RBPJ: variants seen among roughly 807,000 people sequenced by gnomAD.
RBPJ encodes the protein recombining binding protein suppressor of hairless.
Under a neutral mutation model 67.8 loss-of-function variants are expected in RBPJ, and 9 were observed. That is an observed-to-expected ratio of 0.13 (90% confidence interval 0.08 to 0.23). RBPJ has a LOEUF of 0.23. Ranked by LOEUF, RBPJ falls within the 10% of genes least tolerant of loss-of-function variation. The pLI is 1.00. For missense variants in RBPJ, 305 were observed against 595.6 expected (o/e 0.51, Z 5.08); for synonymous variants, 198 against 203.3 (o/e 0.97, Z 0.22).
intron 1 of RBPJ, among the ~76,000 whole-genome samples, chr4:26,208,767 C>T (rs1718257406): frequency 6.6e-6 from 1 of 152,126 alleles, no homozygotes; most frequent in South Asian, 2.1e-4. Context: ...ATAGACATTG[C>T]TCTGTACTCT....
At chr4:26,173,473 T>C (rs913336846) in intron 1 of RBPJ, among the ~76,000 whole-genome samples, 2 of 152,144 alleles carry the variant, frequency 1.3e-5, no homozygotes, top group African/African-American at 4.8e-5. Context: ...GAGACGAAGA[T>C]GCTCATAGGT....
At chr4:26,132,654 C>T in the RBPJ span, among the ~76,000 whole-genome samples, 6 of 152,316 alleles carry the variant, frequency 3.9e-5, no homozygotes, top group Non-Finnish European at 7.4e-5. Context: ...TCTTCGCTGG[C>T]CATAGCCTCA....
intron 1 of RBPJ, among the ~76,000 whole-genome samples, chr4:26,188,164 G>T (rs1717343632): frequency 6.6e-6 from 1 of 151,440 alleles, no homozygotes; most frequent in Non-Finnish European, 1.5e-5. Context: ...AGCTGAGATG[G>T]CACCACTGCA....
chr4:26,188,060 T>A (rs1159180526), intron 1 of RBPJ, among the ~76,000 whole-genome samples: 2 of 151,074 alleles, frequency 1.3e-5, no homozygotes, highest in Non-Finnish European at 2.9e-5. Context: ...TACAAAAAAA[T>A]TAGCTGGGCA....
upstream of RBPJ, among the ~76,000 whole-genome samples, chr4:26,320,074 C>T (rs932033339): frequency 1.6e-4 from 24 of 152,346 alleles, no homozygotes; most frequent in East Asian, 1.2e-3. Flanking sequence ...CAACACACAC[C>T]TGGGCTCACA....
At chr4:26,381,098 T>C (rs1730281174) in intron 1 of RBPJ, among the ~76,000 whole-genome samples, 1 of 150,832 alleles carries the variant, frequency 6.6e-6, no homozygotes, top group South Asian at 2.1e-4. Flanking sequence ...TTTTTTTTTT[T>C]CCTTCTTTTT....
chr4:26,165,414 A>T (rs1716235376), intron 1 of RBPJ, among the ~76,000 whole-genome samples: 1 of 152,238 alleles, frequency 6.6e-6, no homozygotes, highest in African/African-American at 2.4e-5. Context: ...TCCTCATTTC[A>T]TAGATGAAGT....
chr4:26,196,087 C>A (rs1168883491), intron 1 of RBPJ, among the ~76,000 whole-genome samples: 2 of 151,418 alleles, frequency 1.3e-5, no homozygotes, highest in Non-Finnish European at 2.9e-5. Context: ...GGGTACATAC[C>A]CAAAATAAAT....
chr4:26,286,081 G>C (rs568509439), intron 1 of RBPJ, among the ~76,000 whole-genome samples: 54 of 152,286 alleles, frequency 3.5e-4, no homozygotes, highest in African/African-American at 1.3e-3. Flanking sequence ...CAGTCTGGGC[G>C]GCAGAGTGAA....
At position 26,431,257 on chromosome 4, in the gene RBPJ, G is replaced by A. The variant is rs1736212481; in HGVS notation, c.*250G>A. ...TAAATATTGGAAATCAAGTTTTTCA[G>A]CTGTTTTGTTGGTTGGTTGGTTGGT... On this transcript the variant is annotated 3_prime_UTR_variant, in exon 11 of 11. Transcript: ENST00000355476. 1 of 357,064 alleles carries A rather than the reference G, an allele frequency of 2.8e-6. No individual in the cohort carries two copies. Among genetic ancestry groups the A allele is most frequent in the East Asian group, 4.6e-5 (1 of 21,698 alleles). 22.1% of individuals were successfully genotyped at this position (357,064 alleles called of 1,614,324 possible). A position where few individuals can be genotyped will look rare whatever the true frequency, so the allele number is the denominator to read the frequency against.
intron 1 of RBPJ, among the ~76,000 whole-genome samples, chr4:26,210,743 C>CTTT (rs59467495): frequency 0.02 from 1,429 of 69,778 alleles, 74 homozygotes; most frequent in Middle Eastern, 0.052. Flanking sequence ...TTACTTCTTT[C>CTTT]CTTCTTTCCT....
At chr4:26,397,939 C>T (rs575470259) in intron 2 of RBPJ, among the ~76,000 whole-genome samples, 108 of 152,200 alleles carry the variant, frequency 7.1e-4, no homozygotes, top group African/African-American at 2.5e-3. Context: ...GGCATTGTAA[C>T]TCTTTGAAAA....
intron 2 of RBPJ, among the ~76,000 whole-genome samples, chr4:26,404,355 C>A (rs562857250): frequency 5.9e-5 from 9 of 152,178 alleles, no homozygotes; most frequent in African/African-American, 1.9e-4. Context: ...TTGATGGTTT[C>A]TTTTGCTATG....
At chr4:26,401,565 AGTTT>A (rs1418284942) in intron 2 of RBPJ, among the ~76,000 whole-genome samples, 1 of 152,214 alleles carries the variant, frequency 6.6e-6, no homozygotes, top group Non-Finnish European at 1.5e-5. Context: ...TCAAATACCA[AGTTT>A]GTGTCCTGTT....
chr4:26,312,493 C>G (rs186116752), intron 1 of RBPJ, among the ~76,000 whole-genome samples: 27 of 152,288 alleles, frequency 1.8e-4, no homozygotes, highest in Middle Eastern at 3.4e-3. Context: ...ATCAACCCCC[C>G]ACCTGGAGTT....
chr4:26,116,725 T>C, the RBPJ span, among the ~76,000 whole-genome samples: 10,080 of 152,266 alleles, frequency 0.066, 1,097 homozygotes, highest in African/African-American at 0.23. Context: ...CCTCCTGCCA[T>C]TGTGGATGCC....
At chr4:26,133,054 TGAGGCCACCA>T in the RBPJ span, among the ~76,000 whole-genome samples, 1 of 152,242 alleles carries the variant, frequency 6.6e-6, no homozygotes, top group Non-Finnish European at 1.5e-5. Flanking sequence ...AGCTCCACCT[TGAGGCCACCA>T]GAGGTGCCTG....
the RBPJ span, among the ~76,000 whole-genome samples, chr4:26,115,679 T>C: frequency 6.6e-6 from 1 of 152,316 alleles, no homozygotes; most frequent in African/African-American, 2.4e-5. Context: ...TTAAGTGAGA[T>C]ATTATTTCAC....
intron 7 of RBPJ, chr4:26,425,070 T>C (rs1735498288): frequency 5.8e-6 from 2 of 347,348 alleles, no homozygotes; most frequent in Non-Finnish European, 1.0e-5. Flanking sequence ...TTCTTTTCTT[T>C]ACTAATGCGG....
Sources: allele counts gnomAD v4.1 joint callset (sites outside exome capture counted in the v4.1 genomes callset), GRCh38; gene constraint gnomAD v4.1.1; transcripts MANE v1.5; gene names NCBI Gene and HGNC (gene_info 2026-07-23, HGNC 2026-07-21).